The following SPAG9 variants were observed in gnomAD, a reference collection of about 807,000 sequenced individuals.
SPAG9 encodes the protein C-Jun-amino-terminal kinase-interacting protein 4.
Under a neutral mutation model 166.5 loss-of-function variants are expected in SPAG9, and 35 were observed. That is an observed-to-expected ratio of 0.21 (90% CI 0.16 to 0.28). The LOEUF (loss-of-function observed/expected upper bound fraction) is 0.28. Ranked by LOEUF, SPAG9 falls within the 10% of genes least tolerant of loss-of-function variation. The pLI, the probability that SPAG9 is intolerant of heterozygous loss-of-function variation, is 1.00. For missense variants in SPAG9, 1,235 were observed against 1,603.3 expected (o/e 0.77, Z 3.92); for synonymous variants, 534 against 565.5 (o/e 0.94, Z 0.79).
chr17:51,004,245 T>C (rs561182754), intron 12 of SPAG9, among the ~76,000 whole-genome samples: 257 of 152,332 alleles, frequency 1.7e-3, no homozygotes, highest in Non-Finnish European at 3.1e-3. Context: ...TGTCTAGTAA[T>C]GTTCTAATTA....
intron 2 of SPAG9, among the ~76,000 whole-genome samples, chr17:51,077,209 C>A (rs985263055): frequency 6.7e-6 from 1 of 150,076 alleles, no homozygotes; most frequent in African/African-American, 2.5e-5. Flanking sequence ...CTGCAACCTC[C>A]ACCTCCCGGG....
Position 50,996,768 on chromosome 17 carries a change from T to C in SPAG9, c.1839-74A>G, listed in dbSNP as rs957659297. The C allele has an allele frequency of 2.0e-6, 3 of 1,488,042 alleles. No homozygotes were observed. In the African/African-American group the frequency reaches 4.2e-5, roughly 21 times the overall value. The allele number at this position is 1,488,042 out of a possible 1,614,324, so 92.2% of individuals were successfully genotyped here. The stretch of plus-strand genomic sequence containing the variant: ...TTTATCCCCAGTTTTATCTCTCCTC[T>C]GTCACTAAAACAGCAAAAACAACAA... On this transcript the variant is annotated intron_variant, in intron 15 of 29. Transcript: ENST00000262013.
In SPAG9 at chr17:51,011,898, G is replaced by T. The variant is rs193105648; in HGVS notation, c.1213+2334C>A. On this transcript the variant is annotated intron_variant, in intron 9 of 29. Coordinates refer to ENST00000262013, the MANE Select transcript of SPAG9 (RefSeq NM_001130528.3). ...CTTTTAATTGATTTAAAAGACAACA[G>T]ATATTTCTAAGTACTATGGGGCTTC... Among the ~76,000 whole-genome samples the T allele has an allele frequency of 6.4e-4, 97 of 152,252 alleles. 2 individuals carry two copies. Among genetic ancestry groups the T allele is most frequent in the Admixed American group, 5.2e-4 (8 of 15,288 alleles).
chr17:51,030,447 C>CA (rs1173702458), intron 6 of SPAG9, among the ~76,000 whole-genome samples: 1 of 152,182 alleles, frequency 6.6e-6, no homozygotes, highest in Non-Finnish European at 1.5e-5. Flanking sequence ...TAGGATCCCT[C>CA]ACTATTAACA....
In SPAG9 at chr17:51,100,450, C is replaced by T. The variant is rs578059323; in HGVS notation, c.303+19904G>A. On this transcript the variant is annotated intron_variant, in intron 1 of 29. Transcript: ENST00000262013. Reference sequence around the variant, plus strand: ...TGAGATCCTGTCTCTACAAAAATTACAAAAATTAACTGGACATGGTGGTGT... The same window carrying T: ...TGAGATCCTGTCTCTACAAAAATTATAAAAATTAACTGGACATGGTGGTGT... Among the ~76,000 whole-genome samples, 3 of 152,152 alleles carry T rather than the reference C, an allele frequency of 2.0e-5. No homozygotes were observed. The South Asian group carries it at 6.2e-4, about 32-fold the overall frequency.
chr17:51,067,514 TTTC>T (rs2047707276), intron 2 of SPAG9, among the ~76,000 whole-genome samples: 2 of 152,208 alleles, frequency 1.3e-5, no homozygotes, highest in African/African-American at 4.8e-5. Flanking sequence ...TAAAAGGTCA[TTTC>T]TTGTTTAATA....
rs2048015977 is a variant in SPAG9, at chr17:51,077,041, T to TAG, written c.424+2542_424+2543insCT. Among the ~76,000 whole-genome samples, 29 of 98,500 alleles carry TAG rather than the reference T, an allele frequency of 2.9e-4. 1 individual carries two copies. The highest frequency in any genetic ancestry group is 9.4e-4 in the African/African-American group (23 of 24,562). 64.6% of individuals were successfully genotyped at this position (98,500 alleles called of 152,430 possible). On this transcript the variant is annotated intron_variant, in intron 2 of 29. Coordinates refer to ENST00000262013, the MANE Select transcript of SPAG9 (RefSeq NM_001130528.3). Reference sequence around the variant, plus strand: ...AGCTATCTAGCTATCTATCTAGCTATCTAGCTATCTAGCTAGCTATCTAGC... The same window carrying TAG: ...AGCTATCTAGCTATCTATCTAGCTATAGCTAGCTATCTAGCTAGCTATCTAGC...
At position 50,974,849 on chromosome 17, in the gene SPAG9, GTAT is replaced by G; in HGVS notation, c.3619_3621del (p.Ile1207del). On this transcript the variant is annotated inframe_deletion, in exon 28 of 30. Coordinates refer to ENST00000262013, the MANE Select transcript of SPAG9 (RefSeq NM_001130528.3). ...TGTGCATGTGCCATTGAACAATAGG[GTAT>G]AAATGTCCCTGGAGTCACTTTATCA... 1 of 1,611,918 alleles carries G rather than the reference GTAT, an allele frequency of 6.2e-7. No homozygotes were observed. The highest frequency in any genetic ancestry group is 8.5e-7 in the Non-Finnish European group (1 of 1,179,538).
chr17:51,070,937 C>G (rs1352077212), intron 2 of SPAG9, among the ~76,000 whole-genome samples: 1 of 151,776 alleles, frequency 6.6e-6, no homozygotes, highest in South Asian at 2.1e-4. Context: ...GAAGATTATA[C>G]AACAAGGAAA....
At chr17:51,015,432 C>T (rs1261093937) in intron 8 of SPAG9, among the ~76,000 whole-genome samples, 1 of 151,996 alleles carries the variant, frequency 6.6e-6, no homozygotes, top group African/African-American at 2.4e-5. Flanking sequence ...ATAATGGAAG[C>T]CAAGTTTAAA....
chr17:51,104,683 C>G (rs981770540), intron 1 of SPAG9, among the ~76,000 whole-genome samples: 4 of 151,932 alleles, frequency 2.6e-5, no homozygotes, highest in African/African-American at 9.7e-5. Context: ...CCTGTAATCC[C>G]AGCACTTTGG....
At chr17:51,047,043 A>G in intron 4 of SPAG9, 1 of 633,878 alleles carries the variant, frequency 1.6e-6, no homozygotes, top group Non-Finnish European at 2.0e-6. Context: ...TGTAACAAAA[A>G]GGACTTCAAA....
intron 3 of SPAG9, among the ~76,000 whole-genome samples, chr17:51,051,669 G>A (rs902306506): frequency 2.0e-5 from 3 of 152,000 alleles, no homozygotes; most frequent in Non-Finnish European, 2.9e-5. Context: ...GCAGTGGGCC[G>A]AGATCACGCC....
At chr17:51,065,496 A>AAAATTTTAATG (rs2047637970) in intron 2 of SPAG9, among the ~76,000 whole-genome samples, 1 of 152,234 alleles carries the variant, frequency 6.6e-6, no homozygotes, top group Non-Finnish European at 1.5e-5. Flanking sequence ...ACATTTCATT[A>AAAATTTTAATG]AAATGTCCTT....
intron 1 of SPAG9, among the ~76,000 whole-genome samples, chr17:51,105,445 TA>T (rs1340600273): frequency 6.6e-6 from 1 of 152,092 alleles, no homozygotes; most frequent in African/African-American, 2.4e-5. Flanking sequence ...GAATAATGAG[TA>T]GGAGACACTC....
Position 50,996,555 on chromosome 17 carries a change from T to G in SPAG9, c.1968+10A>C. ...TCCTGCTGGATGCTCTTACCACATG[T>G]GCATATTACCTGTTTGTACTTCTGA... On this transcript the variant is annotated intron_variant, in intron 16 of 29. Coordinates refer to ENST00000262013, the MANE Select transcript of SPAG9 (RefSeq NM_001130528.3). The G allele has an allele frequency of 1.2e-6, 2 of 1,614,058 alleles. No homozygotes were observed. Among genetic ancestry groups the G allele is most frequent in the East Asian group, 2.2e-5 (1 of 44,874 alleles).
chr17:51,118,963 G>T (rs1485474467), intron 1 of SPAG9, among the ~76,000 whole-genome samples: 3 of 149,196 alleles, frequency 2.0e-5, no homozygotes, highest in African/African-American at 7.4e-5. Context: ...GAACCCGGCA[G>T]GCAGAGGTTG....
chr17:51,073,474 C>T (rs1035115425), intron 2 of SPAG9, among the ~76,000 whole-genome samples: 1 of 151,668 alleles, frequency 6.6e-6, no homozygotes, highest in South Asian at 2.1e-4. Context: ...GGCAATAGAG[C>T]TGGAATGTCT....
intron 19 of SPAG9, 24 bp from the exon 20 acceptor site, chr17:50,990,692 C>G (rs942827645): frequency 6.3e-7 from 1 of 1,579,694 alleles, no homozygotes; most frequent in African/African-American, 1.3e-5. Flanking sequence ...CTTCTTGTAA[C>G]AGCAAAGTAA....
Sources: gnomAD v4.1 joint callset for allele counts (sites outside exome capture counted in the v4.1 genomes callset) on GRCh38, gnomAD v4.1.1 for gene constraint, MANE v1.5 for transcripts, NCBI Gene and HGNC (gene_info 2026-07-23, HGNC 2026-07-21) for gene names.